RAB31: variants seen among roughly 807,000 people sequenced by gnomAD.
RAB31 encodes RAB31, member RAS oncogene family, also known as ras-related protein Rab-31.
In RAB31, 21 loss-of-function variants were observed where a neutral mutation model predicts 25.6. The ratio of observed to expected loss-of-function variants is 0.82; its 90% CI spans 0.58 to 1.18. The LOEUF is 1.18. Among genes scored for constraint, RAB31 ranks in the 50% most tolerant of loss-of-function variants. RAB31 has a pLI of 0.00. For synonymous variants in RAB31, 87 were observed against 84.0 expected (o/e 1.04, Z -0.20); for missense variants, 196 against 250.1 (o/e 0.78, Z 1.46).
Position 9,766,081 on chromosome 18 carries a change from A to G in RAB31, c.40-9197A>G, listed in dbSNP as rs2068314507. ...GGGTTTCTTTGAAATCGAAAAGGGAAGGTGCAGTGCTTCCTGGATTGAGCT... is the reference window on the plus strand; with the variant it reads ...GGGTTTCTTTGAAATCGAAAAGGGAGGGTGCAGTGCTTCCTGGATTGAGCT... On this transcript the variant is annotated intron_variant, in intron 1 of 6. Coordinates refer to ENST00000578921, the MANE Select transcript of RAB31 (RefSeq NM_006868.4). This position sits in a 1 kb window ranked among gnomAD's most constrained non-coding sequence, Gnocchi z 4.3. Among the ~76,000 whole-genome samples the G allele has an allele frequency of 6.6e-6, 1 of 152,126 alleles. No homozygotes were observed. Among genetic ancestry groups the G allele is most frequent in the African/African-American group, 2.4e-5 (1 of 41,430 alleles).
rs546126903 is a variant in RAB31, at chr18:9,717,496, A to G, written c.39+9052A>G. ...TTCTATTTTCTCTTCTTTGAACAGG[A>G]TGTCACAGAGAGCTAGATGCCTTTC... On this transcript the variant is annotated intron_variant, in intron 1 of 6. Coordinates refer to ENST00000578921, the MANE Select transcript of RAB31 (RefSeq NM_006868.4). Among the ~76,000 whole-genome samples the G allele has an allele frequency of 3.3e-5, 5 of 152,288 alleles. No individual in the cohort carries two copies. The South Asian group carries it at 6.2e-4, about 19-fold the overall frequency.
chr18:9,843,201 C>T (rs10221353), intron 5 of RAB31, among the ~76,000 whole-genome samples: 2,872 of 152,196 alleles, frequency 0.019, 91 homozygotes, highest in African/African-American at 0.066. Context: ...CCTCCTGCAC[C>T]CCATTGTGGG....
chr18:9,747,694 G>T (rs182743076), intron 1 of RAB31, among the ~76,000 whole-genome samples: 55 of 152,312 alleles, frequency 3.6e-4, no homozygotes, highest in African/African-American at 1.3e-3. Context: ...GTGATTGCCA[G>T]GGGTGGAGAA....
chr18:9,778,545 A>C (rs2068385411), intron 2 of RAB31, among the ~76,000 whole-genome samples: 1 of 152,120 alleles, frequency 6.6e-6, no homozygotes, highest in African/African-American at 2.4e-5. Context: ...GTCTCAGCTC[A>C]CTGCAACCTC....
chr18:9,733,071 C>T (rs553924024), intron 1 of RAB31, among the ~76,000 whole-genome samples: 4 of 152,250 alleles, frequency 2.6e-5, no homozygotes, highest in South Asian at 2.1e-4. Context: ...AATAGAATGG[C>T]GAGTTAGACA....
intron 1 of RAB31, among the ~76,000 whole-genome samples, chr18:9,724,974 G>C (rs755205960): frequency 1.1e-4 from 16 of 152,204 alleles, no homozygotes; most frequent in Admixed American, 2.0e-4. Flanking sequence ...TTGCTTACCT[G>C]TCTGGTGAGC....
chr18:9,756,663 G>A (rs2068261630), intron 1 of RAB31, among the ~76,000 whole-genome samples: 2 of 152,222 alleles, frequency 1.3e-5, no homozygotes, highest in South Asian at 2.1e-4. Flanking sequence ...AGCTGTCATT[G>A]TGGAGTCTTA....
intron 6 of RAB31, 24 bp from the exon 7 acceptor site, chr18:9,859,204 C>A (rs763432245): frequency 1.9e-6 from 3 of 1,580,206 alleles, no homozygotes; most frequent in Non-Finnish European, 1.7e-6. Flanking sequence ...AGGGAACTCA[C>A]CCTTGGCCTC....
At chr18:9,759,957 G>C (rs8096269) in intron 1 of RAB31, among the ~76,000 whole-genome samples, 28,623 of 151,976 alleles carry the variant, frequency 0.19, 2,867 homozygotes, top group South Asian at 0.21. Context: ...GGTGGTCCCC[G>C]TGAGCACGTT....
At chr18:9,718,531 T>G (rs1008900318) in intron 1 of RAB31, among the ~76,000 whole-genome samples, 9 of 152,226 alleles carry the variant, frequency 5.9e-5, no homozygotes, top group Non-Finnish European at 1.0e-4. Flanking sequence ...AGTGCTGGGA[T>G]TACAGGCATG....
At chr18:9,730,288 CTT>C (rs34004989) in intron 1 of RAB31, among the ~76,000 whole-genome samples, 27 of 140,834 alleles carry the variant, frequency 1.9e-4, no homozygotes, top group Admixed American at 2.9e-4. Flanking sequence ...CTCACCTTAT[CTT>C]TTTTTTTTTT....
intron 2 of RAB31, among the ~76,000 whole-genome samples, chr18:9,776,684 G>A (rs1034952081): frequency 2.0e-5 from 3 of 152,166 alleles, no homozygotes; most frequent in Non-Finnish European, 4.4e-5. Flanking sequence ...AGAGGCAATA[G>A]CAATAGCCAG....
At chr18:9,723,078 C>T (rs978990857) in intron 1 of RAB31, among the ~76,000 whole-genome samples, 8 of 152,212 alleles carry the variant, frequency 5.3e-5, no homozygotes, top group Admixed American at 1.3e-4. Flanking sequence ...GACCAAGTCT[C>T]GTTCTGCCAC....
intron 3 of RAB31, among the ~76,000 whole-genome samples, chr18:9,798,284 T>C (rs1321575408): frequency 6.6e-6 from 1 of 152,234 alleles, no homozygotes; most frequent in Non-Finnish European, 1.5e-5. Flanking sequence ...TTCATTATCC[T>C]TGGGCTGTCC....
chr18:9,832,216 C>T (rs2068682113), intron 5 of RAB31, among the ~76,000 whole-genome samples: 1 of 152,196 alleles, frequency 6.6e-6, no homozygotes, highest in Non-Finnish European at 1.5e-5. Context: ...GCAGCCAGCA[C>T]CCCAGGCCGG....
intron 2 of RAB31, among the ~76,000 whole-genome samples, chr18:9,781,380 G>A (rs2068403390): frequency 6.6e-6 from 1 of 152,028 alleles, no homozygotes; most frequent in African/African-American, 2.4e-5. Flanking sequence ...ACAGTGACGC[G>A]ATCTTGGCTC....
At chr18:9,794,377 C>T (rs753540715) in intron 3 of RAB31, among the ~76,000 whole-genome samples, 99 of 152,144 alleles carry the variant, frequency 6.5e-4, no homozygotes, top group Admixed American at 2.0e-3. Flanking sequence ...ATTTTAAAAA[C>T]ACTGCTGAAA....
rs1375776391 is a variant in RAB31, at chr18:9,841,207, C to G, written c.381-4375C>G. ...TTGACCTCCCAAAGTGCTGGGATTACAGGCGTGAGCCACTGTGCATGGCCC... is the reference window on the plus strand; with the variant it reads ...TTGACCTCCCAAAGTGCTGGGATTAGAGGCGTGAGCCACTGTGCATGGCCC... On this transcript the variant is annotated intron_variant, in intron 5 of 6. Coordinates refer to ENST00000578921, the MANE Select transcript of RAB31 (RefSeq NM_006868.4). 2.7e-5 allele frequency among the ~76,000 whole-genome samples: 4 copies of G among 150,922 alleles called. No homozygotes were observed. In the East Asian group the frequency reaches 8.3e-4, roughly 31 times the overall value.
Position 9,708,514 on chromosome 18 carries a change from C to T in RAB31, c.39+70C>T, listed in dbSNP as rs2067997943. The T allele has an allele frequency of 8.7e-6, 12 of 1,371,856 alleles. No individual in the cohort carries two copies. Among genetic ancestry groups the T allele is most frequent in the Non-Finnish European group, 9.8e-6 (10 of 1,017,482 alleles). The allele number at this position is 1,371,856 out of a possible 1,614,324, so 85.0% of individuals were successfully genotyped here. On this transcript the variant is annotated intron_variant, in intron 1 of 6. Transcript: ENST00000578921. The surrounding 1 kb of genome is among the most constrained non-coding windows in gnomAD (Gnocchi z 6.4). ...TCGCGCCCCTTCGCTCCCCTATTCC[C>T]TGCGCGCTCAGTCCCCGTGATCCCC...
Sources: allele counts gnomAD v4.1 joint callset (sites outside exome capture counted in the v4.1 genomes callset), GRCh38; gene constraint gnomAD v4.1.1; non-coding constraint Gnocchi (gnomAD v3.1); transcripts MANE v1.5; gene names NCBI Gene and HGNC (gene_info 2026-07-23, HGNC 2026-07-21).